Variants in ANKRD17 observed in about 807,000 individuals in gnomAD.
ANKRD17 encodes ankyrin repeat domain-containing protein 17.
In ANKRD17, 19 loss-of-function variants were observed where a neutral mutation model predicts 229.7. The ratio of observed to expected loss-of-function variants is 0.08; its 90% confidence interval spans 0.06 to 0.12. ANKRD17 has a LOEUF of 0.12. ANKRD17 is among the 10% of genes least tolerant of loss of function. The pLI is 1.00. For synonymous variants in ANKRD17, 1,112 were observed against 1,146.1 expected (o/e 0.97, Z 0.60); for missense variants, 2,176 against 3,176.8 (o/e 0.68, Z 7.57).
intron 1 of ANKRD17, among the ~76,000 whole-genome samples, chr4:73,239,679 T>C (rs1229278066): frequency 1.3e-5 from 2 of 152,178 alleles, no homozygotes; most frequent in African/African-American, 4.8e-5. Context: ...TCTTACTCTG[T>C]ATCTTCCTCT....
chr4:73,100,702 A>T (rs113189661), intron 25 of ANKRD17: 129 of 319,544 alleles, frequency 4.0e-4, no homozygotes, highest in African/African-American at 2.6e-3. Context: ...AGAAGACACA[A>T]CCCATGTGTG....
chr4:73,229,256 C>CAT (rs1271086636), intron 1 of ANKRD17, among the ~76,000 whole-genome samples: 1 of 152,136 alleles, frequency 6.6e-6, no homozygotes, highest in Non-Finnish European at 1.5e-5. Context: ...ACGTTGTGCA[C>CAT]ATGTACCCTA....
intron 24 of ANKRD17, chr4:73,103,945 T>C (rs1371521347): frequency 3.9e-5 from 6 of 152,120 alleles, no homozygotes; most frequent in African/African-American, 7.2e-5. Context: ...TGCTAGGTTC[T>C]TGAAAAGTTT....
rs1723525617 is a variant in ANKRD17, at chr4:73,098,099, T to A, written c.4995A>T (p.Lys1665Asn). The A allele has an allele frequency of 6.2e-7, 1 of 1,603,344 alleles. No homozygotes were observed. The highest frequency in any genetic ancestry group is 1.7e-4 in the Middle Eastern group (1 of 6,024). Residue 1665 changes from lysine to asparagine, a missense_variant, in exon 26 of 34, where the codon AAA becomes AAT. Lys to Asn is a moderately conservative substitution (Grantham distance 94). This residue lies in a region of ANKRD17 where 98 missense variants were observed against 101.0 expected (regional missense o/e 0.97). Coordinates refer to ENST00000358602, the MANE Select transcript of ANKRD17 (RefSeq NM_032217.5). ...VLVTFPKEER[K>N]SVSGKASIKL... ...TTATTGAAGCCTTGCCAGAAACAGA[T>A]TTTCTCTCTTCCTTTGGAAATGTAA...
chr4:73,126,378 C>T (rs1005164376), intron 16 of ANKRD17, among the ~76,000 whole-genome samples: 32 of 151,940 alleles, frequency 2.1e-4, no homozygotes, highest in Admixed American at 6.6e-5. Context: ...GACCTCAAAA[C>T]ACACAGGATG....
chr4:73,141,707 C>T (rs1386671804), intron 14 of ANKRD17, 34 bp downstream of exon 14: 9 of 1,572,540 alleles, frequency 5.7e-6, no homozygotes, highest in Non-Finnish European at 7.0e-6. Flanking sequence ...ACCTGGACAC[C>T]AAGTAAGAAA....
At chr4:73,083,917 G>T (rs935517680) in intron 30 of ANKRD17, among the ~76,000 whole-genome samples, 2 of 110,784 alleles carry the variant, frequency 1.8e-5, no homozygotes, top group South Asian at 2.8e-4. Context: ...CTAGTTAGAA[G>T]AAATTTGATA....
chr4:73,157,309 G>A (rs930687884), intron 3 of ANKRD17, among the ~76,000 whole-genome samples: 12 of 151,984 alleles, frequency 7.9e-5, no homozygotes, highest in Middle Eastern at 3.4e-3. Context: ...TTTTGGTTTT[G>A]GTTTTGAAAG....
intron 6 of ANKRD17, 45 bp downstream of exon 6, chr4:73,153,835 T>A: frequency 8.0e-7 from 1 of 1,243,502 alleles, no homozygotes; most frequent in Non-Finnish European, 1.1e-6. Context: ...TAATTATAAT[T>A]TCACATATTT....
At chr4:73,152,005 T>C (rs1731056477) in intron 6 of ANKRD17, among the ~76,000 whole-genome samples, 1 of 152,098 alleles carries the variant, frequency 6.6e-6, no homozygotes, top group Admixed American at 6.5e-5. Context: ...TATAAAAATA[T>C]TCTTCAAACC....
At position 73,118,853 on chromosome 4, in the gene ANKRD17, A is replaced by G; in HGVS notation, c.4026-3T>C. ...TACGTACATCAATATGAGCTCCCCT[A>G]AAAACCAATGACACAGATAGCATTG... On this transcript the variant is annotated splice_polypyrimidine_tract_variant and splice_region_variant and intron_variant, in intron 21 of 33. Coordinates refer to ENST00000358602, the MANE Select transcript of ANKRD17 (RefSeq NM_032217.5). 1 of 1,609,598 alleles carries G rather than the reference A, an allele frequency of 6.2e-7. No homozygotes were observed. The highest frequency in any genetic ancestry group is 8.5e-7 in the Non-Finnish European group (1 of 1,178,288).
At chr4:73,187,402 T>C (rs552435940) in intron 1 of ANKRD17, among the ~76,000 whole-genome samples, 1 of 152,166 alleles carries the variant, frequency 6.6e-6, no homozygotes, top group South Asian at 2.1e-4. Context: ...TTCACTAAAG[T>C]TATAAAAGTG....
chr4:73,170,855 A>T (rs1733896567), intron 2 of ANKRD17, among the ~76,000 whole-genome samples: 1 of 152,116 alleles, frequency 6.6e-6, no homozygotes, highest in African/African-American at 2.4e-5. Context: ...GATACAGTAC[A>T]ATAGACCCTC....
intron 2 of ANKRD17, among the ~76,000 whole-genome samples, chr4:73,172,300 C>A (rs897720588): frequency 6.0e-4 from 92 of 152,112 alleles, no homozygotes; most frequent in African/African-American, 2.1e-3. Flanking sequence ...AAAATTTTAT[C>A]CTATAATAGT....
At chr4:73,212,428 C>T (rs1458812919) in intron 1 of ANKRD17, among the ~76,000 whole-genome samples, 2 of 152,146 alleles carry the variant, frequency 1.3e-5, no homozygotes, top group Non-Finnish European at 2.9e-5. Flanking sequence ...AAACGATCCA[C>T]CTGCCAAGAT....
intron 10 of ANKRD17, among the ~76,000 whole-genome samples, chr4:73,145,331 G>A (rs899363645): frequency 2.0e-5 from 3 of 151,922 alleles, no homozygotes; most frequent in African/African-American, 7.3e-5. Flanking sequence ...ATTATCTCTA[G>A]TTTCCCTTAT....
At chr4:73,143,836 GC>G (rs1157097685) in intron 11 of ANKRD17, among the ~76,000 whole-genome samples, 1 of 152,092 alleles carries the variant, frequency 6.6e-6, no homozygotes, top group Non-Finnish European at 1.5e-5. Flanking sequence ...GAACTCCTGA[GC>G]CCAAGTGCTT....
chr4:73,239,488 T>C (rs957706562), intron 1 of ANKRD17, among the ~76,000 whole-genome samples: 2 of 152,182 alleles, frequency 1.3e-5, no homozygotes, highest in African/African-American at 4.8e-5. Context: ...TGTATTAACG[T>C]GAAAATCTAT....
rs553314744 is a variant in ANKRD17, at chr4:73,144,353, A to G, written c.1957+392T>C. ...CTCCCTGTATTTTATAAAAAAGGAAACATAGAAGCAGGGAAATAGTAGAAA... is the reference window on the plus strand; with the variant it reads ...CTCCCTGTATTTTATAAAAAAGGAAGCATAGAAGCAGGGAAATAGTAGAAA... On this transcript the variant is annotated intron_variant, in intron 11 of 33. Coordinates refer to ENST00000358602, the MANE Select transcript of ANKRD17 (RefSeq NM_032217.5). 2.0e-5 allele frequency among the ~76,000 whole-genome samples: 3 copies of G among 152,318 alleles called. No homozygotes were observed. In the South Asian group the frequency reaches 6.2e-4, roughly 32 times the overall value.
Sources: gnomAD v4.1 joint callset for allele counts (sites outside exome capture counted in the v4.1 genomes callset) on GRCh38, gnomAD v4.1.1 for gene constraint, gnomAD v4.1.1 regional missense constraint, MANE v1.5 for transcripts, NCBI Gene and HGNC (gene_info 2026-07-23, HGNC 2026-07-21) for gene names.